The following KLK7 variants were observed in gnomAD, a reference collection of about 807,000 sequenced individuals.
KLK7 encodes kallikrein-7.
Under a neutral mutation model 21.0 loss-of-function variants are expected in KLK7, and 17 were observed. The observed-to-expected ratio is 0.81, with a 90% CI of 0.55 to 1.21. KLK7 has a LOEUF of 1.21. Among genes scored for constraint, KLK7 ranks in the 50% most tolerant of loss-of-function variants. The probability of loss-of-function intolerance (pLI) is 0.00; values close to 1 mark genes in which losing one functional copy is unlikely to be tolerated. For missense variants in KLK7, 330 were observed against 322.8 expected, an observed-to-expected ratio of 1.02 and a Z score of -0.17; for synonymous variants, 151 against 134.6, an observed-to-expected ratio of 1.12 and a Z score of -0.85.
At position 50,981,926 on chromosome 19, in the gene KLK7, C is replaced by T. The variant is rs765118312; in HGVS notation, c.74-12G>A. 2.5e-6 allele frequency: 4 copies of T among 1,611,828 alleles called. No individual in the cohort carries two copies. The highest frequency in any genetic ancestry group is 1.7e-5 in the Admixed American group (1 of 59,826). On this transcript the variant is annotated splice_polypyrimidine_tract_variant and intron_variant, in intron 2 of 5. Transcript: ENST00000595820. ...CTTGTCACCCTGGGCTGGATGGAGACATGGAGGAGCACGTGGGTAGCTAGC... is the reference window on the plus strand; with the variant it reads ...CTTGTCACCCTGGGCTGGATGGAGATATGGAGGAGCACGTGGGTAGCTAGC...
chr19:50,980,232 C>A lies in KLK7; in HGVS notation c.469+8G>T, dbSNP rs755342615. On this transcript the variant is annotated splice_region_variant and intron_variant, in intron 4 of 5. Coordinates refer to ENST00000595820, the MANE Select transcript of KLK7 (RefSeq NM_005046.4). ...GGCCTGCACTCCTGGGTCACTGAGG[C>A]CACCTACCATCTGGGCTCGTGGTAG... The A allele has an allele frequency of 1.2e-6, 2 of 1,613,162 alleles. No individual in the cohort carries two copies. Among genetic ancestry groups the A allele is most frequent in the South Asian group, 1.1e-5 (1 of 90,968 alleles).
intron 1 of KLK7, among the ~76,000 whole-genome samples, chr19:50,983,123 A>G (rs1212601936): frequency 9.5e-6 from 1 of 105,762 alleles, no homozygotes; most frequent in Non-Finnish European, 1.9e-5. Flanking sequence ...CCTCCCTCAG[A>G]CCCAGGAGTC....
At position 50,976,469 on chromosome 19, in the gene KLK7, T is replaced by G. The variant is rs970661501; in HGVS notation, c.*1067A>C. The G allele has an allele frequency of 1.3e-5, 2 of 152,192 alleles. No homozygotes were observed. Among genetic ancestry groups the G allele is most frequent in the Non-Finnish European group, 2.9e-5 (2 of 68,038 alleles). The allele number at this position is 152,192 out of a possible 1,614,324, so 9.4% of individuals were successfully genotyped here. ...CTGAAAGGTCACCTCTCTCCAATCT[T>G]AGATCTTCAGACTTTTTTCCCCACC... On this transcript the variant is annotated 3_prime_UTR_variant, in exon 6 of 6. Coordinates refer to ENST00000595820, the MANE Select transcript of KLK7 (RefSeq NM_005046.4).
At chr19:50,982,846 G>GCCCCCAGC (rs2091101112) in intron 1 of KLK7, among the ~76,000 whole-genome samples, 3 of 92,620 alleles carry the variant, frequency 3.2e-5, no homozygotes, top group African/African-American at 1.4e-4. Flanking sequence ...AGGAGTCCAG[G>GCCCCCAGC]TCCAAGTCCC....
rs764296687 is a variant in KLK7, at chr19:50,981,831, G to A, written c.157C>T (p.Leu53Phe). The A allele has an allele frequency of 1.9e-6, 3 of 1,608,372 alleles. No individual in the cohort carries two copies. Among genetic ancestry groups the A allele is most frequent in the Non-Finnish European group, 2.5e-6 (3 of 1,178,126 alleles). Residue 53 changes from leucine to phenylalanine, a missense_variant, in exon 3 of 6, where the codon CTC becomes TTC. Leu to Phe is a conservative substitution (Grantham distance 22). Coordinates refer to ENST00000595820, the MANE Select transcript of KLK7 (RefSeq NM_005046.4). ...TTGACCAGGACGCCTCCGCAGTGGA[G>A]CTGATTGCCACTGAGCAGGGCCACC... is the stretch of plus-strand genomic sequence containing the variant. Reference protein sequence around the residue: ...WQVALLSGNQLHCGGVLVNER... With the variant: ...WQVALLSGNQFHCGGVLVNER...
intron 1 of KLK7, among the ~76,000 whole-genome samples, chr19:50,982,890 C>T (rs2091101653): frequency 6.2e-5 from 7 of 112,710 alleles, no homozygotes; most frequent in African/African-American, 2.2e-4. Flanking sequence ...AGGCCCCAAC[C>T]CCTCCTCCCT....
In KLK7 at chr19:50,977,353, GTTTC is replaced by G; in HGVS notation, c.*179_*182del. 1.6e-6 allele frequency: 1 copy of G among 614,032 alleles called. No individual in the cohort carries two copies. The highest frequency in any genetic ancestry group is 3.0e-5 in the Admixed American group (1 of 33,862). 38.0% of individuals were successfully genotyped at this position (614,032 alleles called of 1,614,324 possible). A position where few individuals can be genotyped will look rare whatever the true frequency, so the allele number is the denominator to read the frequency against. On this transcript the variant is annotated 3_prime_UTR_variant, in exon 6 of 6. Transcript: ENST00000595820. ...TCTTCTCCAGCACTGAGGGTTTTGT[GTTTC>G]TTTATTTGTTTTGGTTTTAGGTCTT...
intron 1 of KLK7, among the ~76,000 whole-genome samples, chr19:50,983,072 C>T (rs796439797): frequency 6.2e-4 from 47 of 76,246 alleles, no homozygotes; most frequent in African/African-American, 1.7e-3. Context: ...AGGCCCCAGC[C>T]CCTCCTCCCT....
chr19:50,981,989 A>T, intron 2 of KLK7, 75 bp from the exon 3 acceptor site: 2 of 1,446,650 alleles, frequency 1.4e-6, no homozygotes, highest in East Asian at 2.3e-5. Context: ...AGGGATTCCC[A>T]GAGTCAGAGA....
In KLK7 at chr19:50,976,564, G is replaced by A. The variant is rs1347234653; in HGVS notation, c.*972C>T. On this transcript the variant is annotated 3_prime_UTR_variant, in exon 6 of 6. Transcript: ENST00000595820. ...CAGAAGGAAGGAGACACCTCATGAC[G>A]ACCCCAGTATGCAGTCTGGGACATG... 6 of 152,248 alleles carry A rather than the reference G, an allele frequency of 3.9e-5. No homozygotes were observed. The highest frequency in any genetic ancestry group is 3.9e-4 in the East Asian group (2 of 5,180). 9.4% of individuals were successfully genotyped at this position (152,248 alleles called of 1,614,324 possible). A position where few individuals can be genotyped will look rare whatever the true frequency, so the allele number is the denominator to read the frequency against.
chr19:50,979,875 G>A lies in KLK7; in HGVS notation c.519C>T (p.Pro173=), dbSNP rs1165671685. Residue 173 remains proline (P), a synonymous_variant, in exon 5 of 6, where the codon CCC becomes CCT. Transcript: ENST00000595820. ...LMCVDVKLIS[P]QDCTKVYKDL... Reference sequence around the variant, plus strand: ...CCTTGTAAACCTTCGTGCAGTCCTGGGGGGAGATGAGCTTGACATCCACGC... The same window carrying A: ...CCTTGTAAACCTTCGTGCAGTCCTGAGGGGAGATGAGCTTGACATCCACGC... The A allele has an allele frequency of 1.9e-6, 3 of 1,591,492 alleles. No individual in the cohort carries two copies. Among genetic ancestry groups the A allele is most frequent in the Non-Finnish European group, 1.7e-6 (2 of 1,168,838 alleles).
chr19:50,982,586 G>T (rs2091098822), intron 1 of KLK7, 129 bp from the exon 2 acceptor site: 1 of 545,802 alleles, frequency 1.8e-6, no homozygotes, highest in South Asian at 2.0e-5. Context: ...CAGGGGTCCA[G>T]GCCCCAGCCC....
At chr19:50,982,244 G>A (rs907817687) in intron 2 of KLK7, 83 bp downstream of exon 2, 2 of 1,523,374 alleles carry the variant, frequency 1.3e-6, no homozygotes, top group East Asian at 2.4e-5. Context: ...GTTTGAGGAG[G>A]GAAGGGTTCT....
At chr19:50,983,963 C>A (rs2091111472), upstream of KLK7, 1 of 1,280,786 alleles carries the variant, frequency 7.8e-7, no homozygotes, top group South Asian at 1.2e-5. Context: ...CGCCCCATGC[C>A]CGGCCCCAGC....
At chr19:50,977,837 T>C in intron 5 of KLK7, 146 bp from the exon 6 acceptor site, 1 of 835,748 alleles carries the variant, frequency 1.2e-6, no homozygotes, top group Non-Finnish European at 1.9e-6. Flanking sequence ...CTCTGGGGAC[T>C]AATGGGAGAG....
chr19:50,982,728 A>T (rs2091099763), intron 1 of KLK7, among the ~76,000 whole-genome samples: 1 of 148,570 alleles, frequency 6.7e-6, no homozygotes, highest in Admixed American at 6.7e-5. Flanking sequence ...CATACCCAAG[A>T]GTCCAGACCC....
At chr19:50,978,447 G>C (rs2122240771) in intron 5 of KLK7, among the ~76,000 whole-genome samples, 1 of 151,194 alleles carries the variant, frequency 6.6e-6, no homozygotes, top group East Asian at 2.0e-4. Context: ...AGAGAGATGA[G>C]GAAGAGGGAA....
intron 5 of KLK7, among the ~76,000 whole-genome samples, chr19:50,979,161 C>T (rs893916804): frequency 2.0e-5 from 3 of 151,942 alleles, no homozygotes; most frequent in Admixed American, 1.3e-4. Context: ...GTGTTTTCCC[C>T]GGGACCAGGG....
chr19:50,977,516 T>C lies in KLK7; in HGVS notation c.*20A>G, dbSNP rs757050585. The C allele has an allele frequency of 1.2e-6, 2 of 1,611,042 alleles. No individual in the cohort carries two copies. Among genetic ancestry groups the C allele is most frequent in the South Asian group, 2.2e-5 (2 of 91,034 alleles). On this transcript the variant is annotated 3_prime_UTR_variant, in exon 6 of 6. Transcript: ENST00000595820. ...TGCATTTTCTGTTGGAAGCACACAGTTAATTAACTCAGTGTGGCGTTAGCG... is the reference window on the plus strand; with the variant it reads ...TGCATTTTCTGTTGGAAGCACACAGCTAATTAACTCAGTGTGGCGTTAGCG...
Sources: gnomAD v4.1 joint callset for allele counts (sites outside exome capture counted in the v4.1 genomes callset) on GRCh38, gnomAD v4.1.1 for gene constraint, MANE v1.5 for transcripts, NCBI Gene and HGNC (gene_info 2026-07-23, HGNC 2026-07-21) for gene names.